The following BID variants were observed in gnomAD, a reference collection of about 807,000 sequenced individuals.
BID encodes BH3-interacting domain death agonist.
Under a neutral mutation model 17.4 loss-of-function variants are expected in BID, and 19 were observed. That is an observed-to-expected ratio of 1.09 (90% CI 0.76 to 1.60). BID has a LOEUF of 1.60. Among genes scored for constraint, BID ranks in the 40% most tolerant of loss-of-function variants. BID has a pLI of 0.00. For missense variants in BID, 226 were observed against 256.0 expected (o/e 0.88, Z 0.80); for synonymous variants, 108 against 102.8 (o/e 1.05, Z -0.31).
intron 3 of BID, chr22:17,739,724 A>C: frequency 1.7e-6 from 1 of 595,384 alleles, no homozygotes; most frequent in Non-Finnish European, 2.9e-6. Flanking sequence ...GCTCCCGCAC[A>C]CAGGCACCAC....
intron 3 of BID, among the ~76,000 whole-genome samples, chr22:17,743,028 C>G (rs778042776): frequency 3.9e-5 from 6 of 152,234 alleles, no homozygotes; most frequent in African/African-American, 1.4e-4. Context: ...AGGCCCACCT[C>G]AAGAAGGGGC....
At chr22:17,753,036 G>C (rs549281082) in intron 1 of BID, among the ~76,000 whole-genome samples, 3 of 133,412 alleles carry the variant, frequency 2.2e-5, no homozygotes. Context: ...GCGCAATCTC[G>C]GCTCACTGCA....
chr22:17,746,741 G>C (rs2061497483), intron 2 of BID, among the ~76,000 whole-genome samples: 1 of 152,212 alleles, frequency 6.6e-6, no homozygotes, highest in Admixed American at 6.5e-5. Flanking sequence ...GATTTAAGCA[G>C]AGACACACAG....
rs2061704987 is a variant in BID at position 17,769,637 on chromosome 22, G to A, written c.-59+4744C>T. Among the ~76,000 whole-genome samples the A allele has an allele frequency of 6.6e-6, 1 of 152,180 alleles. No individual in the cohort carries two copies. The highest frequency in any genetic ancestry group is 1.5e-5 in the Non-Finnish European group (1 of 68,026). ...GAAGGATCCTGGGGACAGTTGTTAA[G>A]GCAATTTTATCTTCTCATAGCATGC... On this transcript the variant is annotated intron_variant, in intron 1 of 5. Coordinates refer to ENST00000622694, the MANE Select transcript of BID (RefSeq NM_001196.4). This position sits in a 1 kb window ranked among gnomAD's most constrained non-coding sequence, Gnocchi z 4.8.
chr22:17,767,630 C>T (rs1030454858), intron 1 of BID, among the ~76,000 whole-genome samples: 2 of 152,170 alleles, frequency 1.3e-5, no homozygotes, highest in Non-Finnish European at 2.9e-5. Context: ...CTCTGTCATC[C>T]GCCTACAAAG....
At chr22:17,756,136 G>C (rs538068805) in intron 1 of BID, among the ~76,000 whole-genome samples, 5 of 152,182 alleles carry the variant, frequency 3.3e-5, no homozygotes, top group Non-Finnish European at 7.3e-5. Context: ...CAAAGTGCTG[G>C]GATTACAGGC....
At chr22:17,760,687 G>A (rs1488875640) in intron 1 of BID, among the ~76,000 whole-genome samples, 9 of 152,020 alleles carry the variant, frequency 5.9e-5, no homozygotes, top group Non-Finnish European at 1.2e-4. Flanking sequence ...GCCCTGGCCC[G>A]GCGCGCTGGG....
Position 17,739,352 on chromosome 22 carries a change from C to A in BID, c.360G>T (p.Glu120Asp), listed in dbSNP as rs146769173. Residue 120 changes from glutamate to aspartate, a missense_variant, in exon 4 of 6, where the codon GAG (glutamate) becomes GAT (aspartate). By Grantham distance (45) the Glu-to-Asp change is conservative. Coordinates refer to ENST00000622694, the MANE Select transcript of BID (RefSeq NM_001196.4). ...ALQLRNTSRS[E>D]EDRNRDLATA... ...CGGTCCTCAGGCCCTCACTCACCTC[C>A]TCCGACCGGCTGGTGTTCCTGAGCT... The A allele has an allele frequency of 3.0e-4, 480 of 1,590,928 alleles. No individual in the cohort carries two copies. Among genetic ancestry groups the A allele is most frequent in the Non-Finnish European group, 3.7e-4 (439 of 1,171,444 alleles).
chr22:17,748,511 AAAAAAT>A (rs757622403), intron 2 of BID, among the ~76,000 whole-genome samples: 2 of 152,184 alleles, frequency 1.3e-5, no homozygotes, highest in African/African-American at 2.4e-5. Context: ...ATCTCAAAAA[AAAAAAT>A]AAAAATAAAA....
At chr22:17,771,122 C>A (rs113584863) in intron 1 of BID, among the ~76,000 whole-genome samples, 4,166 of 152,040 alleles carry the variant, frequency 0.027, 65 homozygotes, top group South Asian at 0.046. Flanking sequence ...TTTTTTGAGA[C>A]GGAGTCTCGC....
At chr22:17,759,246 C>CAAAACAAAAAAACA (rs1555906733) in intron 1 of BID, among the ~76,000 whole-genome samples, 56 of 114,794 alleles carry the variant, frequency 4.9e-4, no homozygotes, top group South Asian at 4.4e-3. Flanking sequence ...AAAAACAAAA[C>CAAAACAAAAAAACA]AAAAAAAAAA....
intron 3 of BID, chr22:17,740,914 C>CATGA (rs1394539441): frequency 6.6e-6 from 1 of 152,220 alleles, no homozygotes; most frequent in African/African-American, 2.4e-5. Flanking sequence ...GTTTTAATTG[C>CATGA]ATGAATGAAT....
At chr22:17,762,877 T>C (rs2061650779) in intron 1 of BID, among the ~76,000 whole-genome samples, 1 of 150,290 alleles carries the variant, frequency 6.7e-6, no homozygotes, top group South Asian at 2.1e-4. Flanking sequence ...CAAAACCTGT[T>C]TGTTTGTTTG....
intron 5 of BID, among the ~76,000 whole-genome samples, chr22:17,735,832 G>T (rs532261366): frequency 6.6e-6 from 1 of 152,192 alleles, no homozygotes; most frequent in East Asian, 2.0e-4. Context: ...GGAGGCCCCT[G>T]CTGGGTCAGA....
rs145664830 is a variant in BID, at chr22:17,752,101, C to T, written c.-58-1927G>A. 8.8e-4 allele frequency among the ~76,000 whole-genome samples: 134 copies of T among 152,278 alleles called. 1 individual carries two copies. The East Asian group carries it at 0.022, about 25-fold the overall frequency. ...AAGTGCCCACTGTCACCTCTGAGCT[C>T]GGGAGGCAGCTCACAAAAACCAGCT... On this transcript the variant is annotated intron_variant, in intron 1 of 5. Transcript: ENST00000622694.
At chr22:17,761,190 G>A (rs1260378682) in intron 1 of BID, among the ~76,000 whole-genome samples, 6 of 152,210 alleles carry the variant, frequency 3.9e-5, no homozygotes, top group Non-Finnish European at 8.8e-5. Context: ...CTCAGGGACA[G>A]TTTTAGAGGC....
intron 1 of BID, among the ~76,000 whole-genome samples, chr22:17,756,478 TTCTTTCTTTC>T (rs146443594): frequency 0.091 from 9,751 of 107,434 alleles, 356 homozygotes; most frequent in Middle Eastern, 0.11. Flanking sequence ...TTTCTTTCTT[TTCTTTCTTTC>T]TTTCTTTCTC....
intron 1 of BID, among the ~76,000 whole-genome samples, chr22:17,757,310 G>A (rs1401515037): frequency 1.4e-5 from 2 of 147,794 alleles, no homozygotes; most frequent in East Asian, 4.0e-4. Context: ...AGCTACTGGG[G>A]AAGGATTGCT....
upstream of BID, chr22:17,774,480 G>A: frequency 7.2e-6 from 2 of 279,078 alleles, no homozygotes; most frequent in South Asian, 3.0e-5. Context: ...ATGGCGCCCC[G>A]CGCGCTTCCT....
Sources: gnomAD v4.1 joint callset for allele counts (sites outside exome capture counted in the v4.1 genomes callset) on GRCh38, gnomAD v4.1.1 for gene constraint, Gnocchi (gnomAD v3.1) non-coding constraint, MANE v1.5 for transcripts, NCBI Gene and HGNC (gene_info 2026-07-23, HGNC 2026-07-21) for gene names.